Variants in NFE2L3 observed in about 807,000 individuals in gnomAD.
The protein encoded by NFE2L3 is NFE2 like bZIP transcription factor 3.
In NFE2L3, 18 loss-of-function variants were observed where a neutral mutation model predicts 23.5. The observed-to-expected ratio is 0.77, with a 90% CI of 0.53 to 1.13. The LOEUF is 1.13. Among genes scored for constraint, NFE2L3 ranks in the 50% most tolerant of loss-of-function variants. NFE2L3 has a pLI of 0.00. For missense variants in NFE2L3, 1,152 were observed against 877.2 expected (o/e 1.31, Z -3.96); for synonymous variants, 424 against 354.5 (o/e 1.20, Z -2.20).
chr7:26,178,161 T>C lies in NFE2L3; in HGVS notation c.750+39T>C, dbSNP rs1784447692. 1.9e-6 allele frequency: 3 copies of C among 1,571,684 alleles called. No individual in the cohort carries two copies. In the South Asian group the frequency reaches 3.5e-5, roughly 18 times the overall value. ...AATATTCAAGCCTTGCCGTTTTGGT[T>C]TTAATGTAGATTTTGTGGCATTGAC... On this transcript the variant is annotated intron_variant, in intron 2 of 3. Coordinates refer to ENST00000056233, the MANE Select transcript of NFE2L3 (RefSeq NM_004289.7).
At chr7:26,154,746 G>T (rs962127886) in intron 1 of NFE2L3, among the ~76,000 whole-genome samples, 2 of 152,154 alleles carry the variant, frequency 1.3e-5, no homozygotes, top group African/African-American at 4.8e-5. Flanking sequence ...TCGCTATGTT[G>T]CCTAGGCTGG....
intron 1 of NFE2L3, among the ~76,000 whole-genome samples, chr7:26,168,848 T>C (rs910969117): frequency 1.3e-5 from 2 of 152,176 alleles, no homozygotes; most frequent in African/African-American, 4.8e-5. Flanking sequence ...GAAGTGTTCC[T>C]GAAGGGGCCG....
At position 26,153,023 on chromosome 7, in the gene NFE2L3, G is replaced by A. The variant is rs1369017822; in HGVS notation, c.525G>A (p.Ala175=). Residue 175 remains alanine (A), a synonymous_variant, in exon 1 of 4, where the codon GCG becomes GCA. Transcript: ENST00000056233. ...CCGGGGAAGAGGAGAAGGCACCCGC[G>A]GAACCGACGGCTCAGGTGCCGGACG... is the stretch of plus-strand genomic sequence containing the variant. ...LDAGEEEKAP[A]EPTAQVPDAG... 5 of 1,524,900 alleles carry A rather than the reference G, an allele frequency of 3.3e-6. No homozygotes were observed. Among genetic ancestry groups the A allele is most frequent in the Non-Finnish European group, 8.8e-7 (1 of 1,140,382 alleles). The allele number at this position is 1,524,900 out of a possible 1,614,324, so 94.5% of individuals were successfully genotyped here.
chr7:26,175,492 T>G (rs1784387341), intron 1 of NFE2L3, among the ~76,000 whole-genome samples: 1 of 151,730 alleles, frequency 6.6e-6, no homozygotes. Context: ...ATAATAATAG[T>G]TTCCGCCGGG....
Position 26,184,963 on chromosome 7 carries a change from C to T in NFE2L3, c.1265C>T (p.Ser422Phe). 1 of 1,613,852 alleles carries T rather than the reference C, an allele frequency of 6.2e-7. No homozygotes were observed. Among genetic ancestry groups the T allele is most frequent in the South Asian group, 1.1e-5 (1 of 91,074 alleles). The change falls in exon 4 of 4, where the codon TCT becomes TTT. Residue 422 changes from serine to phenylalanine, a missense_variant. Coordinates refer to ENST00000056233, the MANE Select transcript of NFE2L3 (RefSeq NM_004289.7). Reference sequence around the variant, plus strand: ...GAACCAGATTCTGATTCTGGCCTTTCTTTAGATTCAAGTCACAATAATACC... The same window carrying T: ...GAACCAGATTCTGATTCTGGCCTTTTTTTAGATTCAAGTCACAATAATACC... Reference protein sequence around the residue: ...FDEPDSDSGLSLDSSHNNTSV... With the variant: ...FDEPDSDSGLFLDSSHNNTSV...
At chr7:26,164,023 A>G (rs1388967576) in intron 1 of NFE2L3, among the ~76,000 whole-genome samples, 1 of 152,150 alleles carries the variant, frequency 6.6e-6, no homozygotes, top group Non-Finnish European at 1.5e-5. Context: ...TCCATGTTGT[A>G]TATTTGCCAC....
At chr7:26,183,990 A>T (rs1159462179) in intron 3 of NFE2L3, 1 of 524,826 alleles carries the variant, frequency 1.9e-6, no homozygotes, top group Non-Finnish European at 3.4e-6. Context: ...TAGACTAGTC[A>T]TGGAAAACAG....
rs753274736 is a variant in NFE2L3, at chr7:26,154,222, G to GAA, written c.570+1154_570+1155insAA. 4.7e-4 allele frequency among the ~76,000 whole-genome samples: 71 copies of GAA among 152,258 alleles called. 1 individual carries two copies. In the Middle Eastern group the frequency reaches 0.01, roughly 22 times the overall value. ...GGTGGGGGCCAGTGAGAGTCTTGGA[G>GAA]GGATCCTTCTGTGTTCAGGATATAC... is the stretch of plus-strand genomic sequence containing the variant. On this transcript the variant is annotated intron_variant, in intron 1 of 3. Transcript: ENST00000056233.
intron 1 of NFE2L3, among the ~76,000 whole-genome samples, chr7:26,154,621 A>G (rs539057088): frequency 6.6e-6 from 1 of 152,064 alleles, no homozygotes; most frequent in East Asian, 1.9e-4. Flanking sequence ...TGCAATGACG[A>G]CTCACTGCAG....
chr7:26,183,558 A>G (rs1782386889), intron 2 of NFE2L3, 143 bp from the exon 3 acceptor site: 1 of 611,636 alleles, frequency 1.6e-6, no homozygotes, highest in African/African-American at 1.9e-5. Context: ...ATATAATAAA[A>G]AGTAGAACTT....
At chr7:26,173,440 CTT>C (rs1784354967) in intron 1 of NFE2L3, 1 of 152,176 alleles carries the variant, frequency 6.6e-6, no homozygotes, top group Admixed American at 6.5e-5. Context: ...ATTTAGGGGA[CTT>C]TGCTTCATGG....
chr7:26,178,008 A>T lies in NFE2L3; in HGVS notation c.636A>T (p.Glu212Asp). 3.1e-6 allele frequency: 5 copies of T among 1,614,174 alleles called. No individual in the cohort carries two copies. The highest frequency in any genetic ancestry group is 4.2e-6 in the Non-Finnish European group (5 of 1,179,998). ...ATAGTTCCCAGCATGAGGAAAATGA[A>T]GAAAGGGTGTCAGCCCAGAAGGAGA... ...VDHSSQHEEN[E>D]ERVSAQKENS... is the part of the protein sequence containing the mutation. Residue 212 changes from glutamate (E) to aspartate (D), a missense_variant, in exon 2 of 4, where the codon GAA (glutamate) becomes GAT (aspartate). Transcript: ENST00000056233.
intron 1 of NFE2L3, among the ~76,000 whole-genome samples, chr7:26,175,853 C>CTTTTTTTTTTTT (rs70943276): frequency 9.9e-5 from 11 of 111,634 alleles, no homozygotes; most frequent in East Asian, 5.2e-4. Flanking sequence ...ATTTTCTTTT[C>CTTTTTTTTTTTT]TTTTTTTTTT....
At chr7:26,178,779 T>C (rs1055508527) in intron 2 of NFE2L3, among the ~76,000 whole-genome samples, 2 of 152,154 alleles carry the variant, frequency 1.3e-5, no homozygotes, top group Non-Finnish European at 2.9e-5. Context: ...CCTGCTGAGG[T>C]CCTGCCCACA....
intron 3 of NFE2L3, chr7:26,184,064 T>G: frequency 2.2e-6 from 1 of 454,564 alleles, no homozygotes; most frequent in Non-Finnish European, 3.9e-6. Context: ...AGGAAATCAG[T>G]GTATCAAAGG....
intron 2 of NFE2L3, among the ~76,000 whole-genome samples, chr7:26,182,674 TAA>T (rs1216185595): frequency 6.6e-6 from 1 of 151,992 alleles, no homozygotes; most frequent in Non-Finnish European, 1.5e-5. Flanking sequence ...AGGTCCTCTC[TAA>T]AAAGAACTCT....
In NFE2L3 at chr7:26,153,813, T is replaced by A. The variant is rs191905322; in HGVS notation, c.570+745T>A. ...TTACCAAGATCTGTTGCTTGAAACA[T>A]CTGGTGCTCCCCATGGAACGTTTGA... On this transcript the variant is annotated intron_variant, in intron 1 of 3. Coordinates refer to ENST00000056233, the MANE Select transcript of NFE2L3 (RefSeq NM_004289.7). Among the ~76,000 whole-genome samples the A allele has an allele frequency of 4.1e-3, 619 of 152,350 alleles. 4 individuals carry two copies. The highest frequency in any genetic ancestry group is 0.014 in the African/African-American group (594 of 41,566).
At chr7:26,161,573 C>T (rs746048075) in intron 1 of NFE2L3, among the ~76,000 whole-genome samples, 4 of 152,040 alleles carry the variant, frequency 2.6e-5, no homozygotes, top group Non-Finnish European at 5.9e-5. Context: ...GCTCCTCCCC[C>T]AGGGCTCCTC....
At chr7:26,172,553 G>C (rs886849025) in intron 1 of NFE2L3, among the ~76,000 whole-genome samples, 3 of 152,158 alleles carry the variant, frequency 2.0e-5, no homozygotes, top group Admixed American at 1.3e-4. Flanking sequence ...CTGTCAGTAT[G>C]TATTTGCCGA....
Sources: allele counts gnomAD v4.1 joint callset (sites outside exome capture counted in the v4.1 genomes callset), GRCh38; gene constraint gnomAD v4.1.1; transcripts MANE v1.5; gene names NCBI Gene and HGNC (gene_info 2026-07-23, HGNC 2026-07-21).